The following RFX8 variants were observed in gnomAD, a reference collection of about 807,000 sequenced individuals.
RFX8 encodes the protein regulatory factor X8.
In RFX8, 46 loss-of-function variants were observed where a neutral mutation model predicts 54.6. That is an observed-to-expected ratio of 0.84 (90% CI 0.67 to 1.08). RFX8 has a LOEUF of 1.08. RFX8 is among the 50% of genes least tolerant of loss of function. The pLI, the probability that RFX8 is intolerant of heterozygous loss-of-function variation, is 0.00. For synonymous variants in RFX8, 192 were observed against 209.5 expected (o/e 0.92, Z 0.72); for missense variants, 536 against 562.3 (o/e 0.95, Z 0.47).
chr2:101,431,115 C>T (rs1260469305), intron 2 of RFX8, among the ~76,000 whole-genome samples: 2 of 65,994 alleles, frequency 3.0e-5, no homozygotes, highest in Admixed American at 1.1e-4. Context: ...TTCATTCATC[C>T]ATCCATCCAT....
At chr2:101,414,652 G>C (rs1686384086) in intron 7 of RFX8, among the ~76,000 whole-genome samples, 1 of 152,062 alleles carries the variant, frequency 6.6e-6, no homozygotes, top group Non-Finnish European at 1.5e-5. Context: ...TCCTGAGGAT[G>C]GGTGGAAAGG....
At chr2:101,421,575 G>A in intron 4 of RFX8, 149 bp downstream of exon 4, 1 of 1,400,642 alleles carries the variant, frequency 7.1e-7, no homozygotes, top group Non-Finnish European at 9.3e-7. Flanking sequence ...CTACAACATA[G>A]GTACATAGCA....
intron 11 of RFX8, among the ~76,000 whole-genome samples, chr2:101,400,493 C>T (rs371094090): frequency 2.8e-4 from 43 of 152,234 alleles, no homozygotes; most frequent in African/African-American, 9.4e-4. Flanking sequence ...TCCATTGACC[C>T]CCACCTGGCT....
At chr2:101,440,930 G>A (rs1266393811) in intron 2 of RFX8, among the ~76,000 whole-genome samples, 3 of 149,320 alleles carry the variant, frequency 2.0e-5, no homozygotes, top group Admixed American at 1.3e-4. Flanking sequence ...CCTTGTTATG[G>A]TTTGAATATT....
In RFX8 at chr2:101,474,274, A is replaced by C. The variant is rs1295900676; in HGVS notation, c.-53+362T>G. 104 of 594,830 alleles carry C rather than the reference A, an allele frequency of 1.7e-4. 1 individual carries two copies. The East Asian group carries it at 3.5e-3, about 20-fold the overall frequency. 36.8% of individuals were successfully genotyped at this position (594,830 alleles called of 1,614,324 possible). A position where few individuals can be genotyped will look rare whatever the true frequency, so the allele number is the denominator to read the frequency against. ...CGGCGAGGCCGGCACCCCCTCGGCC[A>C]TGGCTCGGCCCCGGGCCTGCAGCAC... On this transcript the variant is annotated intron_variant, in intron 1 of 11. Coordinates refer to ENST00000428343, the MANE Select transcript of RFX8 (RefSeq NM_001145664.2).
rs1403733400 is a variant in RFX8 at position 101,439,530 on chromosome 2, TTGAGTTAATTTTCATATACATTA to T, written c.73-17081_73-17059del. Among the ~76,000 whole-genome samples the T allele has an allele frequency of 4.6e-5, 7 of 152,262 alleles. 1 individual carries two copies. The highest frequency in any genetic ancestry group is 1.9e-4 in the East Asian group (1 of 5,190). ...TTTAAATTTAAGTCTACGATCCATT[TTGAGTTAATTTTCATATACATTA>T]TGAGTTAATTTTCATATACATTATG... On this transcript the variant is annotated intron_variant, in intron 2 of 11. Transcript: ENST00000428343.
intron 2 of RFX8, among the ~76,000 whole-genome samples, chr2:101,448,514 G>T (rs1688512873): frequency 6.6e-6 from 1 of 152,132 alleles, no homozygotes; most frequent in Non-Finnish European, 1.5e-5. Context: ...GCCCTTGTAG[G>T]CCCTTCATGA....
chr2:101,446,731 C>T (rs543879973), intron 2 of RFX8, among the ~76,000 whole-genome samples: 58 of 139,704 alleles, frequency 4.2e-4, no homozygotes, highest in Non-Finnish European at 7.5e-4. Flanking sequence ...GAGTGCCTGC[C>T]TAGTTACTTG....
chr2:101,420,273 G>C (rs1686786979), intron 4 of RFX8, among the ~76,000 whole-genome samples: 2 of 152,162 alleles, frequency 1.3e-5, no homozygotes, highest in South Asian at 4.1e-4. Context: ...TGGGCGCGGT[G>C]GTTCACGGCT....
chr2:101,402,997 A>C (rs1685536826), intron 10 of RFX8, among the ~76,000 whole-genome samples: 1 of 152,174 alleles, frequency 6.6e-6, no homozygotes, highest in South Asian at 2.1e-4. Flanking sequence ...AGGAACTTAA[A>C]ATCCATCCGG....
chr2:101,456,712 G>A (rs1251105357), intron 2 of RFX8, among the ~76,000 whole-genome samples: 2 of 152,246 alleles, frequency 1.3e-5, no homozygotes, highest in East Asian at 3.9e-4. Context: ...TTGGTATCAG[G>A]ATGATGATGG....
intron 10 of RFX8, 60 bp from the exon 11 acceptor site, chr2:101,402,812 T>C (rs1685522106): frequency 2.1e-6 from 3 of 1,435,438 alleles, no homozygotes; most frequent in Non-Finnish European, 1.9e-6. Flanking sequence ...AAACAAATCA[T>C]TGTGAAACTA....
intron 2 of RFX8, among the ~76,000 whole-genome samples, chr2:101,442,631 T>C (rs1688160294): frequency 6.6e-6 from 1 of 152,218 alleles, no homozygotes; most frequent in Non-Finnish European, 1.5e-5. Flanking sequence ...AGGTAATGTG[T>C]TATTTTTCTG....
intron 2 of RFX8, among the ~76,000 whole-genome samples, chr2:101,431,092 C>T (rs925150644): frequency 2.0e-5 from 3 of 150,194 alleles, no homozygotes; most frequent in African/African-American, 7.4e-5. Context: ...ATACACTGAG[C>T]TCCATCCATC....
At chr2:101,469,066 GTATATATATATAAGTGTATATATATAA>G (rs1558896578) in intron 1 of RFX8, among the ~76,000 whole-genome samples, 1 of 12,214 alleles carries the variant, frequency 8.2e-5, no homozygotes, top group African/African-American at 6.2e-4. Context: ...GTATATATAT[GTATATATATATAAGTGTATATATATAA>G]GTATATATAT....
chr2:101,428,973 T>C (rs1452419248), intron 2 of RFX8: 9 of 1,531,604 alleles, frequency 5.9e-6, no homozygotes, highest in African/African-American at 1.4e-5. Context: ...TCTTGTTGGA[T>C]AATGCTGTTA....
rs1685712130 is a variant in RFX8 at position 101,406,036 on chromosome 2, A to C, written c.835T>G (p.Phe279Val). Residue 279 changes from phenylalanine to valine, a missense_variant, in exon 10 of 12, where the codon TTT becomes GTT. Physicochemically the swap from Phe to Val is conservative, Grantham distance 50. Transcript: ENST00000428343. Reference sequence around the variant, plus strand: ...TGGAAGCTGGCGGCCAATTTGGTAAACTCTTCTTTGCTTCTGCTTGTCTGT... The same window carrying C: ...TGGAAGCTGGCGGCCAATTTGGTAACCTCTTCTTTGCTTCTGCTTGTCTGT... ...VFQTSRSKEE[F>V]TKLAASFQLR... 3 of 1,545,902 alleles carry C rather than the reference A, an allele frequency of 1.9e-6. No homozygotes were observed. Among genetic ancestry groups the C allele is most frequent in the Admixed American group, 4.0e-5 (2 of 50,052 alleles).
At chr2:101,412,194 G>T (rs1686175466) in intron 8 of RFX8, among the ~76,000 whole-genome samples, 1 of 152,076 alleles carries the variant, frequency 6.6e-6, no homozygotes, top group Admixed American at 6.5e-5. Context: ...ATCATAGGAG[G>T]GCCTAGAGAT....
At chr2:101,456,574 A>G (rs1327432476) in intron 2 of RFX8, among the ~76,000 whole-genome samples, 2 of 152,120 alleles carry the variant, frequency 1.3e-5, no homozygotes, top group African/African-American at 2.4e-5. Context: ...ACTTGATCAT[A>G]GTGGATAAGC....
Sources: allele counts gnomAD v4.1 joint callset (sites outside exome capture counted in the v4.1 genomes callset), GRCh38; gene constraint gnomAD v4.1.1; transcripts MANE v1.5; gene names NCBI Gene and HGNC (gene_info 2026-07-23, HGNC 2026-07-21).